The following DDX19B variants were observed in gnomAD, a reference collection of about 807,000 sequenced individuals.
DDX19B encodes the protein DEAD-box helicase 19B, also known as ATP-dependent RNA helicase DDX19B.
DDX19B carries 27 observed loss-of-function variants against 58.1 expected under a neutral mutation model. The ratio of observed to expected loss-of-function variants is 0.46; its 90% CI spans 0.34 to 0.64. DDX19B has a LOEUF of 0.64. DDX19B is among the 30% of genes least tolerant of loss of function. The probability of loss-of-function intolerance (pLI) is 0.01; values close to 1 mark genes in which losing one functional copy is unlikely to be tolerated. For missense variants in DDX19B, 399 were observed against 596.5 expected, an observed-to-expected ratio of 0.67 and a Z score of 3.45; for synonymous variants, 187 against 214.4, an observed-to-expected ratio of 0.87 and a Z score of 1.12.
At chr16:70,310,544 G>A (rs976035872) in intron 1 of DDX19B, among the ~76,000 whole-genome samples, 7 of 151,486 alleles carry the variant, frequency 4.6e-5, no homozygotes, top group Non-Finnish European at 5.9e-5. Context: ...GACCTCGTCT[G>A]CAGAAAAAAA....
intron 5 of DDX19B, among the ~76,000 whole-genome samples, chr16:70,321,769 C>T (rs565042426): frequency 4.1e-4 from 63 of 152,330 alleles, no homozygotes; most frequent in African/African-American, 1.5e-3. Context: ...CGTGGTGGCT[C>T]ACGCCTGTAA....
At chr16:70,312,153 T>C (rs1042413070) in intron 1 of DDX19B, among the ~76,000 whole-genome samples, 55 of 152,172 alleles carry the variant, frequency 3.6e-4, no homozygotes, top group African/African-American at 1.3e-3. Flanking sequence ...CAGATGCTTT[T>C]CATCACAGTC....
chr16:70,301,832 C>T (rs148364248), intron 1 of DDX19B, among the ~76,000 whole-genome samples: 87 of 151,004 alleles, frequency 5.8e-4, no homozygotes, highest in Non-Finnish European at 1.0e-3. Flanking sequence ...CAGCCTCCCT[C>T]GTAGCTGGGA....
rs147229851 is a variant in DDX19B, at chr16:70,331,820, A to G, written c.1122A>G (p.Ala374=). 501 of 1,614,162 alleles carry G rather than the reference A, an allele frequency of 3.1e-4. 5 individuals carry two copies. In the African/African-American group the frequency reaches 4.4e-3, roughly 14 times the overall value. The change falls in exon 10 of 12, where the codon GCA becomes GCG. Residue 374 remains alanine, a synonymous_variant. Coordinates refer to ENST00000288071, the MANE Select transcript of DDX19B (RefSeq NM_007242.7). The part of the protein sequence containing the change: ...SGEMMVEQRA[A]VIERFREGKE... ...AGATGATGGTGGAACAGAGGGCTGC[A>G]GTGATTGAGCGCTTCCGAGAGGGCA...
intron 2 of DDX19B, among the ~76,000 whole-genome samples, chr16:70,313,832 G>T (rs1287588435): frequency 1.3e-5 from 2 of 152,234 alleles, no homozygotes; most frequent in Admixed American, 1.3e-4. Context: ...TTATAGGCCG[G>T]GTGTGGTGGC....
chr16:70,321,138 T>G (rs1314310005), intron 5 of DDX19B, among the ~76,000 whole-genome samples: 1 of 151,864 alleles, frequency 6.6e-6, no homozygotes, highest in Non-Finnish European at 1.5e-5. Context: ...AATTTTGTAT[T>G]TTTAGTAGAG....
chr16:70,311,713 C>A (rs577231512), intron 1 of DDX19B, among the ~76,000 whole-genome samples: 15 of 152,346 alleles, frequency 9.8e-5, no homozygotes, highest in African/African-American at 3.1e-4. Flanking sequence ...CTGTTCCCAA[C>A]TACAGTATCA....
Position 70,331,854 on chromosome 16 carries a change from G to A in DDX19B, c.1156G>A (p.Val386Ile), listed in dbSNP as rs368591704. The A allele has an allele frequency of 6.2e-7, 1 of 1,614,182 alleles. No homozygotes were observed. The highest frequency in any genetic ancestry group is 1.3e-5 in the African/African-American group (1 of 75,056). ...GCGCTTCCGAGAGGGCAAAGAGAAGGTTTTGGTGACCACCAACGTGTGTGC... is the reference window on the plus strand; with the variant it reads ...GCGCTTCCGAGAGGGCAAAGAGAAGATTTTGGTGACCACCAACGTGTGTGC... ...IERFREGKEK[V>I]LVTTNVCARG... The change falls in exon 10 of 12, where the codon GTT (valine) becomes ATT (isoleucine). Residue 386 changes from valine (V) to isoleucine (I), a missense_variant. Physicochemically the swap from Val to Ile is conservative, Grantham distance 29. Coordinates refer to ENST00000288071, the MANE Select transcript of DDX19B (RefSeq NM_007242.7).
At chr16:70,294,889 G>C (rs184182106), upstream of DDX19B, 950 of 1,527,534 alleles carry the variant, frequency 6.2e-4, 19 homozygotes, top group East Asian at 0.018. Context: ...GCCCTGCGGC[G>C]GTTTCCCATC....
At chr16:70,316,211 GTTTT>G in intron 4 of DDX19B, 107 bp downstream of exon 4, 7 of 1,210,182 alleles carry the variant, frequency 5.8e-6, no homozygotes, top group South Asian at 1.9e-5. Context: ...AGCTAACCAA[GTTTT>G]TTTTTTTTTT....
chr16:70,294,804 A>C, upstream of DDX19B: 2 of 1,433,558 alleles, frequency 1.4e-6, no homozygotes, highest in African/African-American at 1.4e-5. Context: ...GCCAGTGCCA[A>C]GAGCAGCGGT....
rs1478492923 is a variant in DDX19B, at chr16:70,316,047, T to G, written c.239T>G (p.Leu80Arg). 1 of 1,614,144 alleles carries G rather than the reference T, an allele frequency of 6.2e-7. No individual in the cohort carries two copies. The highest frequency in any genetic ancestry group is 1.7e-5 in the Admixed American group (1 of 59,980). ...GATAACACAAACCAAGTGGAAGTCC[T>G]GCAGCGGGATCCAAACTCCCCTCTG... ...LVDNTNQVEV[L>R]QRDPNSPLYS... The change falls in exon 4 of 12, where the codon CTG becomes CGG. Residue 80 changes from leucine to arginine, a missense_variant. Around this residue, in one of 4 missense-constraint regions of DDX19B, gnomAD observed 132 missense variants for 159.4 expected, o/e 0.83. Coordinates refer to ENST00000288071, the MANE Select transcript of DDX19B (RefSeq NM_007242.7).
intron 5 of DDX19B, among the ~76,000 whole-genome samples, chr16:70,319,392 A>G (rs185954562): frequency 6.6e-6 from 1 of 152,252 alleles, no homozygotes; most frequent in Admixed American, 6.6e-5. Context: ...GTCTGAATTT[A>G]GTAGGTCTAA....
At chr16:70,314,044 G>A (rs1466970104) in intron 2 of DDX19B, among the ~76,000 whole-genome samples, 4 of 152,110 alleles carry the variant, frequency 2.6e-5, no homozygotes, top group South Asian at 2.1e-4. Context: ...GGGAGGCAGA[G>A]GTTGCAGTGA....
intron 7 of DDX19B, among the ~76,000 whole-genome samples, chr16:70,327,301 G>A (rs1963213868): frequency 1.3e-5 from 2 of 151,688 alleles, no homozygotes; most frequent in Non-Finnish European, 2.9e-5. Context: ...TTAGCAGGCC[G>A]AGGTGGGTGG....
At chr16:70,326,787 C>T (rs964032029) in intron 7 of DDX19B, among the ~76,000 whole-genome samples, 7 of 151,928 alleles carry the variant, frequency 4.6e-5, no homozygotes, top group African/African-American at 1.4e-4. Flanking sequence ...CCATCTGCCT[C>T]GGCCTCCCAA....
intron 1 of DDX19B, among the ~76,000 whole-genome samples, chr16:70,311,030 C>CAAA (rs59944573): frequency 9.2e-6 from 1 of 108,716 alleles, no homozygotes; most frequent in Non-Finnish European, 1.9e-5. Context: ...GACTCTGTCT[C>CAAA]AAAAAAAAAA....
At chr16:70,329,735 C>G (rs1963380219) in intron 8 of DDX19B, 96 bp from the exon 9 acceptor site, 6 of 1,530,802 alleles carry the variant, frequency 3.9e-6, no homozygotes, top group South Asian at 1.2e-5. Flanking sequence ...CTCCCATCAG[C>G]CTTCCTGGGC....
At chr16:70,311,781 C>T (rs56217164) in intron 1 of DDX19B, among the ~76,000 whole-genome samples, 3 of 152,076 alleles carry the variant, frequency 2.0e-5, no homozygotes, top group Non-Finnish European at 4.4e-5. Context: ...TGTGGTCTTA[C>T]GGCTCTAACG....
Sources: allele counts gnomAD v4.1 joint callset (sites outside exome capture counted in the v4.1 genomes callset), GRCh38; gene constraint gnomAD v4.1.1; regional missense constraint gnomAD v4.1.1; transcripts MANE v1.5; gene names NCBI Gene and HGNC (gene_info 2026-07-23, HGNC 2026-07-21).